The following PDE1A variants were observed in gnomAD, a reference collection of about 807,000 sequenced individuals.
PDE1A encodes dual specificity calcium/calmodulin-dependent 3',5'-cyclic nucleotide phosphodiesterase 1A.
A neutral mutation model predicts 61.7 loss-of-function variants in PDE1A; 35 were observed. The observed-to-expected ratio is 0.57, with a 90% CI of 0.43 to 0.75. The LOEUF is 0.75. Among genes scored for constraint, PDE1A ranks in the 30% least tolerant of loss-of-function variants. PDE1A has a pLI of 0.00. For synonymous variants in PDE1A, 232 were observed against 213.2 expected (o/e 1.09, Z -0.77); for missense variants, 597 against 630.6 (o/e 0.95, Z 0.57).
chr2:182,488,029 G>A (rs1688127169), intron 2 of PDE1A, among the ~76,000 whole-genome samples: 1 of 152,112 alleles, frequency 6.6e-6, no homozygotes, highest in Non-Finnish European at 1.5e-5. Context: ...AATCTTATCA[G>A]AGTGGTTTAC....
chr2:182,421,411 T>A (rs546213777), intron 1 of PDE1A, among the ~76,000 whole-genome samples: 9 of 152,300 alleles, frequency 5.9e-5, no homozygotes, highest in Non-Finnish European at 8.8e-5. Flanking sequence ...ATTGTAGATT[T>A]AATACTGCCT....
chr2:182,338,104 G>C (rs1425442688), intron 1 of PDE1A, among the ~76,000 whole-genome samples: 3 of 152,166 alleles, frequency 2.0e-5, no homozygotes, highest in African/African-American at 4.8e-5. Context: ...AGAAGAGACA[G>C]TCATTCAAAG....
intron 13 of PDE1A, among the ~76,000 whole-genome samples, chr2:182,180,160 A>G (rs185452602): frequency 6.6e-6 from 1 of 152,300 alleles, no homozygotes; most frequent in East Asian, 1.9e-4. Flanking sequence ...ATTGATCACT[A>G]TGTTAGTAGA....
chr2:182,238,333 T>C lies in PDE1A; in HGVS notation c.350+1777A>G, dbSNP rs182176209. 2.9e-3 allele frequency among the ~76,000 whole-genome samples: 427 copies of C among 147,524 alleles called. 3 individuals are homozygous for C. The highest frequency in any genetic ancestry group is 3.9e-3 in the Non-Finnish European group (263 of 66,882). Reference sequence around the variant, plus strand: ...GGAACTAATTTATATCCTAAAAACATCACTGTGGAATGGCTTGGTTGGGGT... The same window carrying C: ...GGAACTAATTTATATCCTAAAAACACCACTGTGGAATGGCTTGGTTGGGGT... On this transcript the variant is annotated intron_variant, in intron 3 of 13. Transcript: ENST00000351439.
chr2:182,329,049 C>T (rs759958183), intron 1 of PDE1A, among the ~76,000 whole-genome samples: 4 of 152,124 alleles, frequency 2.6e-5, no homozygotes, highest in Non-Finnish European at 4.4e-5. Context: ...TAAGTAATAA[C>T]TTCAAATATA....
At chr2:182,381,326 G>A (rs879415812) in intron 1 of PDE1A, among the ~76,000 whole-genome samples, 2 of 152,106 alleles carry the variant, frequency 1.3e-5, no homozygotes, top group Non-Finnish European at 2.9e-5. Context: ...TTCTAGCCCA[G>A]TCATGAAACA....
At chr2:182,556,205 G>A in the PDE1A span, among the ~76,000 whole-genome samples, 2 of 151,938 alleles carry the variant, frequency 1.3e-5, no homozygotes, top group Admixed American at 1.3e-4. Context: ...TACAAACATG[G>A]AGCAAGAAAA....
intron 7 of PDE1A, among the ~76,000 whole-genome samples, chr2:182,217,745 C>T (rs1052912791): frequency 1.2e-4 from 17 of 141,210 alleles, no homozygotes; most frequent in Admixed American, 2.8e-4. Context: ...GTTAGAATGG[C>T]GATCATTAAA....
chr2:182,653,612 G>C, the PDE1A span, among the ~76,000 whole-genome samples: 2 of 152,180 alleles, frequency 1.3e-5, no homozygotes, highest in Non-Finnish European at 2.9e-5. Context: ...ATCTAGAAAA[G>C]ATAGCAATTG....
chr2:182,201,415 T>C lies in PDE1A; in HGVS notation c.1125+24A>G, dbSNP rs778806544. 22 of 1,612,264 alleles carry C rather than the reference T, an allele frequency of 1.4e-5. 1 individual carries two copies. In the East Asian group the frequency reaches 4.7e-4, roughly 34 times the overall value. On this transcript the variant is annotated intron_variant, in intron 10 of 13. Transcript: ENST00000351439. ...GCACAGTCACTATTTCCAAAAACAT[T>C]TGCACAGAGTGTGAAAGAGGCACCT...
At chr2:182,534,531 G>A in the PDE1A span, among the ~76,000 whole-genome samples, 4 of 151,524 alleles carry the variant, frequency 2.6e-5, no homozygotes, top group African/African-American at 9.7e-5. Context: ...TAAGCCAAAA[G>A]GTCTTTAAAT....
chr2:182,262,955 A>ATGTATGTG (rs1553559480), intron 2 of PDE1A, among the ~76,000 whole-genome samples: 1 of 147,158 alleles, frequency 6.8e-6, no homozygotes, highest in Non-Finnish European at 1.5e-5. Context: ...TTATTAAACA[A>ATGTATGTG]TGTGTGTGTG....
intron 1 of PDE1A, among the ~76,000 whole-genome samples, chr2:182,307,378 G>C (rs1487857171): frequency 6.6e-6 from 1 of 152,060 alleles, no homozygotes; most frequent in African/African-American, 2.4e-5. Flanking sequence ...TTGTGGGAGT[G>C]GGTTCCTTAT....
chr2:182,282,735 C>A (rs1693894164), intron 1 of PDE1A, among the ~76,000 whole-genome samples: 2 of 151,844 alleles, frequency 1.3e-5, no homozygotes, highest in Non-Finnish European at 2.9e-5. Context: ...AAATGATTGA[C>A]CCAATATATA....
intron 1 of PDE1A, among the ~76,000 whole-genome samples, chr2:182,421,766 G>A (rs986671665): frequency 1.3e-5 from 2 of 152,242 alleles, no homozygotes; most frequent in East Asian, 3.9e-4. Flanking sequence ...AACATTATCT[G>A]CCTTACACTC....
chr2:182,282,765 T>A (rs1309584348), intron 1 of PDE1A, among the ~76,000 whole-genome samples: 3 of 152,078 alleles, frequency 2.0e-5, no homozygotes, highest in African/African-American at 7.2e-5. Flanking sequence ...TCTACATGCA[T>A]GTTTTGTGTC....
intron 2 of PDE1A, among the ~76,000 whole-genome samples, chr2:182,455,138 C>CA (rs1246439221): frequency 6.6e-6 from 1 of 151,714 alleles, no homozygotes; most frequent in Non-Finnish European, 1.5e-5. Context: ...TTTATGCAGC[C>CA]AAAAAACACA....
intron 2 of PDE1A, among the ~76,000 whole-genome samples, chr2:182,436,508 C>T (rs2125656941): frequency 6.6e-6 from 1 of 152,052 alleles, no homozygotes; most frequent in South Asian, 2.1e-4. Context: ...TACTGGAAAT[C>T]AAGTCTATCT....
chr2:182,168,418 G>A (rs1691806816), intron 13 of PDE1A: 1 of 817,666 alleles, frequency 1.2e-6, no homozygotes. Context: ...AAATTATGAA[G>A]AGAAACATAA....
Sources: gnomAD v4.1 joint callset for allele counts (sites outside exome capture counted in the v4.1 genomes callset) on GRCh38, gnomAD v4.1.1 for gene constraint, MANE v1.5 for transcripts, NCBI Gene and HGNC (gene_info 2026-07-23, HGNC 2026-07-21) for gene names.